Variants in GRID2IP observed in about 807,000 individuals in gnomAD.
GRID2IP encodes Grid2 interacting protein.
GRID2IP carries 78 observed loss-of-function variants against 114.3 expected under a neutral mutation model. The ratio of observed to expected loss-of-function variants is 0.68; its 90% CI spans 0.57 to 0.82. The LOEUF (loss-of-function observed/expected upper bound fraction) is 0.82. GRID2IP is among the 40% of genes least tolerant of loss of function. GRID2IP has a pLI of 0.00. For missense variants in GRID2IP, 1,727 were observed against 1,678.5 expected (o/e 1.03, Z -0.51); for synonymous variants, 809 against 724.0 (o/e 1.12, Z -1.89).
Position 6,521,602 on chromosome 7 carries a change from GC to G in GRID2IP, c.990-80del. ...GCCACCAGCCAGACCTCCCTGTCCT[GC>G]CCACAGAGGTCACACAGCAAGACCA... On this transcript the variant is annotated intron_variant, in intron 5 of 21. Coordinates refer to ENST00000457091, the MANE Select transcript of GRID2IP (RefSeq NM_001145118.2). The surrounding 1 kb of genome is among the most constrained non-coding windows in gnomAD (Gnocchi z 4.1). 9.9e-7 allele frequency: 1 copy of G among 1,013,300 alleles called. No homozygotes were observed. Among genetic ancestry groups the G allele is most frequent in the Non-Finnish European group, 1.4e-6 (1 of 690,404 alleles). 62.8% of individuals were successfully genotyped at this position (1,013,300 alleles called of 1,614,324 possible). A position where few individuals can be genotyped will look rare whatever the true frequency, so the allele number is the denominator to read the frequency against.
chr7:6,514,804 TAGTC>T (rs1779261131), intron 7 of GRID2IP, among the ~76,000 whole-genome samples: 1 of 151,604 alleles, frequency 6.6e-6, no homozygotes, highest in Non-Finnish European at 1.5e-5. Flanking sequence ...GTATAAAAAT[TAGTC>T]AGGTGTGGTG....
intron 2 of GRID2IP, among the ~76,000 whole-genome samples, chr7:6,537,092 C>G (rs1006023430): frequency 1.3e-5 from 2 of 152,052 alleles, no homozygotes; most frequent in African/African-American, 4.8e-5. Context: ...GGAGGGAAAC[C>G]CGGCGGGATC....
In GRID2IP at chr7:6,532,575, C is replaced by A. The variant is rs1779652322; in HGVS notation, c.585-5806G>T. Reference sequence around the variant, plus strand: ...CCTGGAAGCAGCCAGAAACTGGAGCCAGTGCCCACTCATGCCGTGCCCTCC... The same window carrying A: ...CCTGGAAGCAGCCAGAAACTGGAGCAAGTGCCCACTCATGCCGTGCCCTCC... On this transcript the variant is annotated intron_variant, in intron 2 of 21. Transcript: ENST00000457091. This position sits in a 1 kb window ranked among gnomAD's most constrained non-coding sequence, Gnocchi z 4.4. Among the ~76,000 whole-genome samples the A allele has an allele frequency of 6.6e-6, 1 of 152,208 alleles. No individual in the cohort carries two copies. Among genetic ancestry groups the A allele is most frequent in the South Asian group, 2.1e-4 (1 of 4,832 alleles).
At position 6,503,050 on chromosome 7, in the gene GRID2IP, G is replaced by T; in HGVS notation, c.3021C>A (p.Ser1007=). Residue 1007 remains serine, a synonymous_variant, in exon 17 of 22, where the codon TCC becomes TCA. Coordinates refer to ENST00000457091, the MANE Select transcript of GRID2IP (RefSeq NM_001145118.2). The part of the protein sequence containing the change: ...RGSLECLRQA[S]LELKNSRKLA... ...GCTTCCGACTGTTTTTGAGCTCCAG[G>T]GAGGCCTGGCGCAAGCATTCAAGGC... 6.4e-7 allele frequency: 1 copy of T among 1,551,530 alleles called. No individual in the cohort carries two copies. Among genetic ancestry groups the T allele is most frequent in the Non-Finnish European group, 8.7e-7 (1 of 1,146,952 alleles).
Position 6,504,696 on chromosome 7 carries a change from A to C in GRID2IP, c.2710+97T>G, listed in dbSNP as rs1274342413. ...CTGAGCGACAGGAGGCCGGGTCCCC[A>C]CCGCCTAATCTCTGTCATCCACCTG... On this transcript the variant is annotated intron_variant, in intron 15 of 21. Coordinates refer to ENST00000457091, the MANE Select transcript of GRID2IP (RefSeq NM_001145118.2). The C allele has an allele frequency of 1.2e-5, 11 of 939,278 alleles. No individual in the cohort carries two copies. In the African/African-American group the frequency reaches 1.3e-4, roughly 11 times the overall value. The allele number at this position is 939,278 out of a possible 1,614,324, so 58.2% of individuals were successfully genotyped here.
chr7:6,508,926 C>A lies in GRID2IP; in HGVS notation c.2127+32G>T. Reference sequence around the variant, plus strand: ...TGCAGACCGCCACACCTCGCCTCACCCGCCTCCCTCCACACCTGCTTGCGT... The same window carrying A: ...TGCAGACCGCCACACCTCGCCTCACACGCCTCCCTCCACACCTGCTTGCGT... On this transcript the variant is annotated intron_variant, in intron 12 of 21. Transcript: ENST00000457091. The surrounding 1 kb of genome is among the most constrained non-coding windows in gnomAD (Gnocchi z 5.6). 1 of 1,531,680 alleles carries A rather than the reference C, an allele frequency of 6.5e-7. No homozygotes were observed. The highest frequency in any genetic ancestry group is 8.8e-7 in the Non-Finnish European group (1 of 1,141,770). 94.9% of individuals were successfully genotyped at this position (1,531,680 alleles called of 1,614,324 possible).
At position 6,532,724 on chromosome 7, in the gene GRID2IP, T is replaced by C. The variant is rs1044883645; in HGVS notation, c.585-5955A>G. On this transcript the variant is annotated intron_variant, in intron 2 of 21. Coordinates refer to ENST00000457091, the MANE Select transcript of GRID2IP (RefSeq NM_001145118.2). The surrounding 1 kb of genome is among the most constrained non-coding windows in gnomAD (Gnocchi z 4.4). ...ATGATTGGAGCCATTCCTGGTTGTA[T>C]TGTGCCAGCTGCAGTGGCCCAGAAT... Among the ~76,000 whole-genome samples, 7 of 152,214 alleles carry C rather than the reference T, an allele frequency of 4.6e-5. No individual in the cohort carries two copies. Among genetic ancestry groups the C allele is most frequent in the Non-Finnish European group, 1.0e-4 (7 of 68,042 alleles).
At chr7:6,533,954 T>A (rs778845807) in intron 2 of GRID2IP, among the ~76,000 whole-genome samples, 1 of 152,060 alleles carries the variant, frequency 6.6e-6, no homozygotes, top group East Asian at 1.9e-4. Context: ...CCAGTCCCAA[T>A]AACTCTATAT....
At chr7:6,550,298 A>G (rs1779954617) in intron 1 of GRID2IP, among the ~76,000 whole-genome samples, 1 of 152,026 alleles carries the variant, frequency 6.6e-6, no homozygotes, top group Non-Finnish European at 1.5e-5. Context: ...GTTAAGTTCT[A>G]ATGGGGAGGA....
chr7:6,547,950 A>AG (rs1779911812), intron 1 of GRID2IP, among the ~76,000 whole-genome samples: 1 of 152,228 alleles, frequency 6.6e-6, no homozygotes, highest in African/African-American at 2.4e-5. Flanking sequence ...CCCATGGCCA[A>AG]GTGCTGCTGG....
chr7:6,525,551 T>G (rs2115078351), intron 4 of GRID2IP, among the ~76,000 whole-genome samples: 1 of 152,102 alleles, frequency 6.6e-6, no homozygotes, highest in African/African-American at 2.4e-5. Context: ...TCAGCTACAC[T>G]TGAGCCTCGG....
In GRID2IP at chr7:6,507,507, A is replaced by T. The variant is rs976595534; in HGVS notation, c.2544+478T>A. ...GGCATGGGAATCCTGGGGAGACAAGATTTCAGAGCAAGACAAAGGATGGTT... is the reference window on the plus strand; with the variant it reads ...GGCATGGGAATCCTGGGGAGACAAGTTTTCAGAGCAAGACAAAGGATGGTT... On this transcript the variant is annotated intron_variant, in intron 13 of 21. Coordinates refer to ENST00000457091, the MANE Select transcript of GRID2IP (RefSeq NM_001145118.2). The surrounding 1 kb of genome is among the most constrained non-coding windows in gnomAD (Gnocchi z 5.3). Among the ~76,000 whole-genome samples, 1 of 152,212 alleles carries T rather than the reference A, an allele frequency of 6.6e-6. No individual in the cohort carries two copies. Among genetic ancestry groups the T allele is most frequent in the Non-Finnish European group, 1.5e-5 (1 of 68,040 alleles).
chr7:6,550,519 T>G (rs1042842718), intron 1 of GRID2IP, among the ~76,000 whole-genome samples: 1 of 151,818 alleles, frequency 6.6e-6, no homozygotes, highest in East Asian at 1.9e-4. Flanking sequence ...GAATAAAAAT[T>G]GCAAAATTAG....
chr7:6,540,085 T>C (rs1779789581), intron 1 of GRID2IP, among the ~76,000 whole-genome samples: 1 of 137,902 alleles, frequency 7.3e-6, no homozygotes, highest in African/African-American at 2.8e-5. Context: ...CTTCTTCCCT[T>C]CCCCTCCCCT....
chr7:6,532,360 T>TG lies in GRID2IP; in HGVS notation c.585-5592dup, dbSNP rs371816520. On this transcript the variant is annotated intron_variant, in intron 2 of 21. Transcript: ENST00000457091. This position sits in a 1 kb window ranked among gnomAD's most constrained non-coding sequence, Gnocchi z 4.4. The stretch of plus-strand genomic sequence containing the variant: ...CAAGATGCCCCGGGGACTTTCCCTC[T>TG]GTCTCACTCAGAGGGACAGCTCCCA... Among the ~76,000 whole-genome samples, 697 of 152,256 alleles carry TG rather than the reference T, an allele frequency of 4.6e-3. 2 individuals carry two copies. The highest frequency in any genetic ancestry group is 0.016 in the African/African-American group (660 of 41,560).
intron 2 of GRID2IP, 146 bp downstream of exon 2, chr7:6,539,572 A>G: frequency 1.3e-6 from 1 of 751,102 alleles, no homozygotes; most frequent in South Asian, 2.0e-5. Flanking sequence ...TGGGGCTTGC[A>G]GTTATGTTGC....
intron 2 of GRID2IP, among the ~76,000 whole-genome samples, chr7:6,535,903 T>C (rs919706702): frequency 4.6e-5 from 7 of 151,986 alleles, no homozygotes; most frequent in African/African-American, 1.7e-4. Context: ...TCCTCCCACA[T>C]CTACAGGACG....
At chr7:6,544,346 C>G (rs1262153223) in intron 1 of GRID2IP, among the ~76,000 whole-genome samples, 1 of 151,780 alleles carries the variant, frequency 6.6e-6, no homozygotes, top group Non-Finnish European at 1.5e-5. Flanking sequence ...ATGGCATGAT[C>G]TCGGCTCATT....
chr7:6,521,870 T>A lies in GRID2IP; in HGVS notation c.989+18A>T, dbSNP rs1779419167. On this transcript the variant is annotated intron_variant, in intron 5 of 21. Coordinates refer to ENST00000457091, the MANE Select transcript of GRID2IP (RefSeq NM_001145118.2). The surrounding 1 kb of genome is among the most constrained non-coding windows in gnomAD (Gnocchi z 4.1). ...GGCAGCTCCTCACCAACCCCTGGTG[T>A]CCCCAATAGCCTCTGACCTCATGTC... The A allele has an allele frequency of 1.3e-6, 2 of 1,544,492 alleles. No individual in the cohort carries two copies. The highest frequency in any genetic ancestry group is 2.7e-5 in the African/African-American group (2 of 72,840).
Sources: gnomAD v4.1 joint callset for allele counts (sites outside exome capture counted in the v4.1 genomes callset) on GRCh38, gnomAD v4.1.1 for gene constraint, Gnocchi (gnomAD v3.1) non-coding constraint, MANE v1.5 for transcripts, NCBI Gene and HGNC (gene_info 2026-07-23, HGNC 2026-07-21) for gene names.